The following NOL4 variants were observed in gnomAD, a reference collection of about 807,000 sequenced individuals.
NOL4 encodes the protein nucleolar protein 4, also known as cancer/testis antigen 125.
A neutral mutation model predicts 75.9 loss-of-function variants in NOL4; 17 were observed. The observed-to-expected ratio is 0.22, with a 90% CI of 0.15 to 0.34. NOL4 has a LOEUF of 0.34. Ranked by LOEUF, NOL4 falls within the 10% of genes least tolerant of loss-of-function variation. The pLI is 1.00. For synonymous variants in NOL4, 292 were observed against 289.9 expected (o/e 1.01, Z -0.07); for missense variants, 614 against 793.5 (o/e 0.77, Z 2.72).
intron 9 of NOL4, among the ~76,000 whole-genome samples, chr18:33,891,019 A>G (rs1412031256): frequency 6.6e-6 from 1 of 151,740 alleles, no homozygotes; most frequent in African/African-American, 2.4e-5. Flanking sequence ...CATCTTGGAG[A>G]GCAAACCTTT....
chr18:33,862,436 C>G (rs1014017250), intron 10 of NOL4, among the ~76,000 whole-genome samples: 3 of 151,982 alleles, frequency 2.0e-5, no homozygotes, highest in Admixed American at 1.3e-4. Flanking sequence ...TAATTAAACT[C>G]AAGAGCTTCT....
At chr18:33,877,536 C>T (rs1428555946) in intron 10 of NOL4, among the ~76,000 whole-genome samples, 1 of 151,682 alleles carries the variant, frequency 6.6e-6, no homozygotes, top group Non-Finnish European at 1.5e-5. Flanking sequence ...AATTTCCAGC[C>T]CTGTTTCTTT....
At chr18:34,191,626 G>A (rs973769000) in intron 1 of NOL4, among the ~76,000 whole-genome samples, 1 of 152,068 alleles carries the variant, frequency 6.6e-6, no homozygotes, top group Admixed American at 6.6e-5. Flanking sequence ...AGCAAAGACT[G>A]TTTTATTCTT....
intron 5 of NOL4, among the ~76,000 whole-genome samples, chr18:34,042,631 T>C (rs2076189139): frequency 6.6e-6 from 1 of 152,052 alleles, no homozygotes; most frequent in Non-Finnish European, 1.5e-5. Context: ...TAAGTGATAA[T>C]GAGTGGATGC....
chr18:33,868,688 C>G lies in NOL4; in HGVS notation c.1723+14556G>C, dbSNP rs932315023. Reference sequence around the variant, plus strand: ...ACACACACACACACACACACACACACACACGTTTATCCCAGAGTGATTAAA... The same window carrying G: ...ACACACACACACACACACACACACAGACACGTTTATCCCAGAGTGATTAAA... On this transcript the variant is annotated intron_variant, in intron 10 of 10. Transcript: ENST00000261592. Among the ~76,000 whole-genome samples the G allele has an allele frequency of 1.1e-4, 16 of 150,292 alleles. No individual in the cohort carries two copies. The East Asian group carries it at 2.7e-3, about 26-fold the overall frequency.
At chr18:33,927,960 T>C (rs920319044) in intron 9 of NOL4, among the ~76,000 whole-genome samples, 3 of 152,166 alleles carry the variant, frequency 2.0e-5, no homozygotes, top group African/African-American at 7.2e-5. Flanking sequence ...AATGAATTTG[T>C]GACTCTAGTT....
chr18:34,222,614 G>C (rs971223041), intron 1 of NOL4: 2 of 293,200 alleles, frequency 6.8e-6, no homozygotes, highest in African/African-American at 4.5e-5. Context: ...GCCTTTAGGC[G>C]CGGTGGCGGC....
chr18:33,904,794 T>C (rs1369637142), intron 9 of NOL4, among the ~76,000 whole-genome samples: 1 of 152,188 alleles, frequency 6.6e-6, no homozygotes, highest in Non-Finnish European at 1.5e-5. Context: ...ACTGACTTTC[T>C]TATTGATGCA....
intron 1 of NOL4, among the ~76,000 whole-genome samples, chr18:34,201,224 A>G (rs766784229): frequency 6.6e-5 from 10 of 151,852 alleles, no homozygotes; most frequent in Non-Finnish European, 1.5e-4. Flanking sequence ...TATAGCATTT[A>G]CTATATACTG....
intron 5 of NOL4, among the ~76,000 whole-genome samples, chr18:34,049,111 CACACACACAT>C (rs2076521179): frequency 6.7e-6 from 1 of 149,242 alleles, no homozygotes; most frequent in Non-Finnish European, 1.5e-5. Context: ...CACACACACA[CACACACACAT>C]CCATTTTCTC....
At chr18:33,899,411 T>G (rs1292140311) in intron 9 of NOL4, among the ~76,000 whole-genome samples, 1 of 152,104 alleles carries the variant, frequency 6.6e-6, no homozygotes, top group African/African-American at 2.4e-5. Flanking sequence ...CTCCAACTCT[T>G]TGTCTCTCAA....
chr18:34,022,920 G>C (rs750399945), intron 5 of NOL4, among the ~76,000 whole-genome samples: 1 of 151,826 alleles, frequency 6.6e-6, no homozygotes, highest in Non-Finnish European at 1.5e-5. Context: ...ATTATTATTT[G>C]TCAGGAAAGG....
chr18:34,116,488 C>CT (rs1201850333), intron 2 of NOL4, among the ~76,000 whole-genome samples: 1 of 152,172 alleles, frequency 6.6e-6, no homozygotes, highest in African/African-American at 2.4e-5. Context: ...TTAAGGTAAA[C>CT]TTATAAGTTA....
chr18:34,036,708 G>A (rs1371314712), intron 5 of NOL4, among the ~76,000 whole-genome samples: 1 of 152,186 alleles, frequency 6.6e-6, no homozygotes, highest in African/African-American at 2.4e-5. Flanking sequence ...TGAATCACTT[G>A]AGGTCAGGAG....
chr18:34,035,888 A>C (rs2075869866), intron 5 of NOL4, among the ~76,000 whole-genome samples: 2 of 152,146 alleles, frequency 1.3e-5, no homozygotes, highest in Admixed American at 6.5e-5. Context: ...GAAATGGATA[A>C]TTTTCTGGAA....
intron 2 of NOL4, among the ~76,000 whole-genome samples, chr18:34,116,947 A>G (rs1294732892): frequency 6.6e-6 from 1 of 152,182 alleles, no homozygotes; most frequent in Non-Finnish European, 1.5e-5. Flanking sequence ...CTAACTATTC[A>G]GTTTGTATTA....
intron 1 of NOL4, among the ~76,000 whole-genome samples, chr18:34,185,118 C>T (rs916542934): frequency 6.6e-6 from 1 of 152,066 alleles, no homozygotes; most frequent in African/African-American, 2.4e-5. Flanking sequence ...CTTCACTTGC[C>T]TCCTTACACT....
intron 1 of NOL4, among the ~76,000 whole-genome samples, chr18:34,202,226 T>C (rs925050232): frequency 2.0e-5 from 3 of 152,010 alleles, no homozygotes; most frequent in African/African-American, 7.2e-5. Context: ...TGCAGGGTTC[T>C]AAGGATACTA....
At chr18:34,064,948 C>A (rs7238454) in intron 5 of NOL4, among the ~76,000 whole-genome samples, 2,231 of 59,350 alleles carry the variant, frequency 0.038, 69 homozygotes, top group African/African-American at 0.094. Flanking sequence ...CACACACACA[C>A]ACACATCATA....
Sources: gnomAD v4.1 joint callset for allele counts (sites outside exome capture counted in the v4.1 genomes callset) on GRCh38, gnomAD v4.1.1 for gene constraint, MANE v1.5 for transcripts, NCBI Gene and HGNC (gene_info 2026-07-23, HGNC 2026-07-21) for gene names.